Variants in CALCR observed in about 807,000 individuals in gnomAD.
CALCR encodes the protein calcitonin receptor.
CALCR carries 47 observed loss-of-function variants against 59.5 expected under a neutral mutation model. The ratio of observed to expected loss-of-function variants is 0.79; its 90% CI spans 0.63 to 1.01. CALCR has a LOEUF of 1.01. CALCR is among the 50% of genes least tolerant of loss of function. The pLI, the probability that CALCR is intolerant of heterozygous loss-of-function variation, is 0.00. For synonymous variants in CALCR, 213 were observed against 211.3 expected, an observed-to-expected ratio of 1.01 and a Z score of -0.07; for missense variants, 566 against 597.1, an observed-to-expected ratio of 0.95 and a Z score of 0.54.
intron 3 of CALCR, among the ~76,000 whole-genome samples, chr7:93,485,819 T>C (rs1297793567): frequency 1.3e-5 from 2 of 151,550 alleles, no homozygotes; most frequent in Non-Finnish European, 3.0e-5. Context: ...GATAAAATGA[T>C]AAGACAAACT....
intron 2 of CALCR, among the ~76,000 whole-genome samples, chr7:93,547,997 G>T (rs1789338858): frequency 6.6e-6 from 1 of 152,160 alleles, no homozygotes; most frequent in Non-Finnish European, 1.5e-5. Flanking sequence ...TAAGACAGTG[G>T]TTTTCAAGTG....
At chr7:93,563,238 G>C (rs1192947286) in intron 2 of CALCR, among the ~76,000 whole-genome samples, 1 of 152,154 alleles carries the variant, frequency 6.6e-6, no homozygotes, top group Admixed American at 6.5e-5. Context: ...TTCCAAGTGA[G>C]TGAATAGGAA....
chr7:93,565,276 T>A (rs935450095), intron 2 of CALCR, among the ~76,000 whole-genome samples: 1 of 152,184 alleles, frequency 6.6e-6, no homozygotes, highest in Non-Finnish European at 1.5e-5. Context: ...TCCTGAATAA[T>A]ACTAAGGGTA....
chr7:93,534,105 A>G (rs1299732458), intron 2 of CALCR, among the ~76,000 whole-genome samples: 1 of 151,864 alleles, frequency 6.6e-6, no homozygotes, highest in Non-Finnish European at 1.5e-5. Flanking sequence ...TGTCAATGTC[A>G]TAAAGTTCTG....
chr7:93,567,536 AT>A (rs144669468), intron 2 of CALCR, among the ~76,000 whole-genome samples: 5 of 151,714 alleles, frequency 3.3e-5, no homozygotes, highest in Admixed American at 6.6e-5. Context: ...ATCTATGCAA[AT>A]TTTTTTTATA....
chr7:93,537,507 A>G (rs1789021881), intron 2 of CALCR, among the ~76,000 whole-genome samples: 1 of 151,620 alleles, frequency 6.6e-6, no homozygotes, highest in Admixed American at 6.6e-5. Context: ...TACATTTTCA[A>G]CTCTTCAATA....
intron 9 of CALCR, among the ~76,000 whole-genome samples, chr7:93,441,826 A>G (rs949584511): frequency 1.3e-5 from 2 of 152,136 alleles, no homozygotes; most frequent in African/African-American, 2.4e-5. Context: ...AGGGTTCACA[A>G]TCACTAGACA....
chr7:93,434,376 G>T, intron 12 of CALCR, 82 bp from the exon 13 acceptor site: 3 of 797,152 alleles, frequency 3.8e-6, no homozygotes, highest in Non-Finnish European at 4.1e-6. Flanking sequence ...AGACTGCCCA[G>T]AGAAGGCCTG....
At chr7:93,499,584 T>C (rs537623020) in intron 2 of CALCR, among the ~76,000 whole-genome samples, 3 of 151,888 alleles carry the variant, frequency 2.0e-5, no homozygotes, top group East Asian at 3.9e-4. Context: ...CAGTAAAAGG[T>C]AAATGTTGCA....
intron 13 of CALCR, among the ~76,000 whole-genome samples, chr7:93,429,930 G>T (rs111967896): frequency 0.55 from 56,267 of 102,504 alleles, 13,498 homozygotes; most frequent in African/African-American, 0.66. Flanking sequence ...TTTTTTGTTT[G>T]TTTGTTTTTT....
At chr7:93,463,085 A>C (rs1431626828) in intron 7 of CALCR, among the ~76,000 whole-genome samples, 2 of 151,928 alleles carry the variant, frequency 1.3e-5, no homozygotes, top group African/African-American at 4.8e-5. Context: ...ACACCAAAGA[A>C]TTACATTAAA....
intron 13 of CALCR, among the ~76,000 whole-genome samples, chr7:93,428,708 A>G (rs1799584755): frequency 6.6e-6 from 1 of 150,672 alleles, no homozygotes; most frequent in South Asian, 2.1e-4. Flanking sequence ...AATGGCATGA[A>G]CCTGGGAGGC....
rs530179720 is a variant in CALCR at position 93,507,734 on chromosome 7, C to T, written c.-26-20727G>A. On this transcript the variant is annotated intron_variant, in intron 2 of 13. Transcript: ENST00000426151. The stretch of plus-strand genomic sequence containing the variant: ...CATCCTGGCTAACATGGTGAAACCC[C>T]GTCTCTACTAAAAATACAAAAAAAA... Among the ~76,000 whole-genome samples the T allele has an allele frequency of 6.1e-4, 89 of 145,138 alleles. No homozygotes were observed. The East Asian group carries it at 0.011, about 18-fold the overall frequency.
chr7:93,561,293 T>C (rs1259754817), intron 2 of CALCR, among the ~76,000 whole-genome samples: 1 of 151,970 alleles, frequency 6.6e-6, no homozygotes, highest in East Asian at 1.9e-4. Context: ...AATAACATCA[T>C]TTTTTTTCAA....
At chr7:93,490,488 G>A (rs1294400090) in intron 2 of CALCR, among the ~76,000 whole-genome samples, 1 of 151,570 alleles carries the variant, frequency 6.6e-6, no homozygotes, top group Non-Finnish European at 1.5e-5. Context: ...AGACAACATG[G>A]TTTTATATTT....
At chr7:93,432,360 G>A (rs1333081073) in intron 13 of CALCR, among the ~76,000 whole-genome samples, 5 of 152,240 alleles carry the variant, frequency 3.3e-5, no homozygotes, top group South Asian at 4.1e-4. Context: ...TCCTGCATGT[G>A]TGAGTGCCCT....
chr7:93,546,377 C>T (rs6961603), intron 2 of CALCR, among the ~76,000 whole-genome samples: 18,998 of 151,892 alleles, frequency 0.13, 2,079 homozygotes, highest in East Asian at 0.36. Flanking sequence ...GTGACAAAGA[C>T]GCTATTATTA....
chr7:93,491,070 T>C (rs995755873), intron 2 of CALCR, among the ~76,000 whole-genome samples: 2 of 151,906 alleles, frequency 1.3e-5, no homozygotes, highest in Non-Finnish European at 1.5e-5. Context: ...TATAGACCAA[T>C]GGAACAGAAC....
chr7:93,437,778 C>T (rs534537214), intron 11 of CALCR, among the ~76,000 whole-genome samples: 8 of 152,252 alleles, frequency 5.3e-5, no homozygotes, highest in African/African-American at 1.9e-4. Context: ...GGCCTCTCAC[C>T]TTTACCTAGG....
Sources: gnomAD v4.1 joint callset for allele counts (sites outside exome capture counted in the v4.1 genomes callset) on GRCh38, gnomAD v4.1.1 for gene constraint, MANE v1.5 for transcripts, NCBI Gene and HGNC (gene_info 2026-07-23, HGNC 2026-07-21) for gene names.